PIAS2: variants seen among roughly 807,000 people sequenced by gnomAD.
The protein encoded by PIAS2 is protein inhibitor of activated STAT 2.
A neutral mutation model predicts 69.7 loss-of-function variants in PIAS2; 19 were observed. The observed-to-expected ratio is 0.27, with a 90% CI of 0.19 to 0.40. The LOEUF (loss-of-function observed/expected upper bound fraction) is 0.40. PIAS2 is among the 10% of genes least tolerant of loss of function. The pLI is 1.00. For missense variants in PIAS2, 624 were observed against 757.0 expected (o/e 0.82, Z 2.06); for synonymous variants, 261 against 263.2 (o/e 0.99, Z 0.08).
intron 2 of PIAS2, among the ~76,000 whole-genome samples, chr18:46,868,879 T>C (rs1368927287): frequency 6.6e-6 from 1 of 152,162 alleles, no homozygotes; most frequent in East Asian, 1.9e-4. Flanking sequence ...GCCTCAGGGA[T>C]GAGGGATCAA....
At chr18:46,919,725 C>T (rs1204052542), upstream of PIAS2, among the ~76,000 whole-genome samples, 1 of 152,082 alleles carries the variant, frequency 6.6e-6, no homozygotes, top group Non-Finnish European at 1.5e-5. Context: ...CTGATAAATG[C>T]CTAACAAATA....
At chr18:46,883,449 T>C (rs1568715382) in intron 2 of PIAS2, among the ~76,000 whole-genome samples, 1 of 152,020 alleles carries the variant, frequency 6.6e-6, no homozygotes, top group East Asian at 1.9e-4. Context: ...ATGCCTGTAA[T>C]CCCAGCACTT....
At chr18:46,824,852 AAC>A (rs1555720943) in intron 11 of PIAS2, among the ~76,000 whole-genome samples, 1 of 151,310 alleles carries the variant, frequency 6.6e-6, no homozygotes, top group East Asian at 1.9e-4. Context: ...AAAAAAAAAA[AAC>A]ACAAAAAAAT....
At chr18:46,834,576 A>C (rs950254612) in intron 9 of PIAS2, among the ~76,000 whole-genome samples, 4 of 152,236 alleles carry the variant, frequency 2.6e-5, no homozygotes, top group Non-Finnish European at 5.9e-5. Context: ...CTATCTTTTC[A>C]ATTAGGAAAT....
chr18:46,854,666 A>G (rs1568533618), intron 5 of PIAS2, among the ~76,000 whole-genome samples: 1 of 152,190 alleles, frequency 6.6e-6, no homozygotes, highest in Non-Finnish European at 1.5e-5. Context: ...CATTGTATAC[A>G]TCCTAGGTGC....
chr18:46,909,243 T>C (rs1462555624), intron 1 of PIAS2, among the ~76,000 whole-genome samples: 1 of 152,152 alleles, frequency 6.6e-6, no homozygotes, highest in African/African-American at 2.4e-5. Context: ...TAAAAGGTGG[T>C]ATTTTATACT....
At chr18:46,874,695 T>C (rs964423176) in intron 2 of PIAS2, among the ~76,000 whole-genome samples, 2 of 152,198 alleles carry the variant, frequency 1.3e-5, no homozygotes, top group African/African-American at 2.4e-5. Flanking sequence ...CTGCTGACAT[T>C]CCTACGTTTG....
intron 2 of PIAS2, among the ~76,000 whole-genome samples, chr18:46,872,000 T>A (rs1276637502): frequency 1.3e-5 from 2 of 152,162 alleles, no homozygotes; most frequent in Non-Finnish European, 2.9e-5. Flanking sequence ...CCAATACATA[T>A]GAAGTTAAAA....
intron 2 of PIAS2, among the ~76,000 whole-genome samples, chr18:46,890,280 CA>C (rs1363298284): frequency 2.0e-5 from 3 of 152,072 alleles, no homozygotes; most frequent in Non-Finnish European, 2.9e-5. Flanking sequence ...GATGGCTGCA[CA>C]ACATTACCAA....
At chr18:46,896,165 C>CAAAAAAAA (rs1199712335) in intron 1 of PIAS2, among the ~76,000 whole-genome samples, 2 of 31,948 alleles carry the variant, frequency 6.3e-5, no homozygotes, top group African/African-American at 1.2e-4. Flanking sequence ...AAGAAAAAAG[C>CAAAAAAAA]AAAAAAAAAA....
intron 5 of PIAS2, 124 bp downstream of exon 5, chr18:46,855,221 A>G (rs1447780356): frequency 2.0e-5 from 12 of 590,520 alleles, no homozygotes; most frequent in Non-Finnish European, 3.0e-5. Flanking sequence ...AGTGGAAAAT[A>G]GTATTTAATC....
In PIAS2 at chr18:46,805,793, G is replaced by C. The variant is rs745626714; in HGVS notation, c.*6640C>G. ...AGTGAAGGCAAAAATGGATGACAAG[G>C]GAGGTTTGTACTTTTATTTAAAAGA... On this transcript the variant is annotated 3_prime_UTR_variant, in exon 14 of 14. Transcript: ENST00000585916. 1.1e-4 allele frequency: 17 copies of C among 152,170 alleles called. No individual in the cohort carries two copies. Among genetic ancestry groups the C allele is most frequent in the Admixed American group, 5.2e-4 (8 of 15,276 alleles). 9.4% of individuals were successfully genotyped at this position (152,170 alleles called of 1,614,324 possible). A position where few individuals can be genotyped will look rare whatever the true frequency, so the allele number is the denominator to read the frequency against.
At chr18:46,815,576 T>C (rs1474113571) in intron 12 of PIAS2, 2 of 1,202,538 alleles carry the variant, frequency 1.7e-6, no homozygotes, top group Non-Finnish European at 2.1e-6. Context: ...GAGACTCAAA[T>C]GCAGAAGTCC....
At chr18:46,900,950 G>T (rs969536437) in intron 1 of PIAS2, 12 of 330,708 alleles carry the variant, frequency 3.6e-5, no homozygotes, top group Non-Finnish European at 6.9e-5. Context: ...CTCCAGCCTG[G>T]GTGATAAGAA....
At chr18:46,847,626 C>T (rs1439368311) in intron 5 of PIAS2, among the ~76,000 whole-genome samples, 1 of 151,938 alleles carries the variant, frequency 6.6e-6, no homozygotes, top group Non-Finnish European at 1.5e-5. Context: ...GGACTACAGG[C>T]GCCTGCCACA....
At chr18:46,826,516 G>A (rs557419941) in intron 11 of PIAS2, among the ~76,000 whole-genome samples, 13 of 152,138 alleles carry the variant, frequency 8.5e-5, no homozygotes, top group Non-Finnish European at 1.2e-4. Context: ...ATTCTAAAGC[G>A]TATCATTACA....
chr18:46,879,537 T>C (rs1464212128), intron 2 of PIAS2, among the ~76,000 whole-genome samples: 4 of 152,128 alleles, frequency 2.6e-5, no homozygotes, highest in Non-Finnish European at 5.9e-5. Flanking sequence ...TACCATACGA[T>C]CCCGCAATTT....
At chr18:46,844,688 CTT>C (rs377729779) in intron 7 of PIAS2, 44 bp downstream of exon 7, 6,399 of 564,474 alleles carry the variant, frequency 0.011, no homozygotes, top group South Asian at 0.017. Flanking sequence ...TATGCTCAAT[CTT>C]TTTTTTTTTT....
chr18:46,897,167 T>G (rs1199852895), intron 1 of PIAS2, among the ~76,000 whole-genome samples: 1 of 152,194 alleles, frequency 6.6e-6, no homozygotes, highest in Admixed American at 6.5e-5. Context: ...TCTAAAGGTA[T>G]TCTAGATTTC....
Sources: allele counts gnomAD v4.1 joint callset (sites outside exome capture counted in the v4.1 genomes callset), GRCh38; gene constraint gnomAD v4.1.1; transcripts MANE v1.5; gene names NCBI Gene and HGNC (gene_info 2026-07-23, HGNC 2026-07-21).